The following SLC30A9 variants were observed in gnomAD, a reference collection of about 807,000 sequenced individuals.
The protein encoded by SLC30A9 is proton-coupled zinc antiporter SLC30A9, mitochondrial.
A neutral mutation model predicts 87.5 loss-of-function variants in SLC30A9; 58 were observed. That is an observed-to-expected ratio of 0.66 (90% CI 0.54 to 0.82). The LOEUF (loss-of-function observed/expected upper bound fraction) is 0.82. Ranked by LOEUF, SLC30A9 falls within the 40% of genes least tolerant of loss-of-function variation. The probability of loss-of-function intolerance (pLI) is 0.00; values close to 1 mark genes in which losing one functional copy is unlikely to be tolerated. For missense variants in SLC30A9, 557 were observed against 679.1 expected (o/e 0.82, Z 2.00); for synonymous variants, 234 against 233.0 (o/e 1.00, Z -0.04).
At chr4:42,039,696 C>T (rs1033883903) in intron 8 of SLC30A9, among the ~76,000 whole-genome samples, 24 of 151,958 alleles carry the variant, frequency 1.6e-4, no homozygotes, top group Non-Finnish European at 2.1e-4. Flanking sequence ...CTCCTGACCT[C>T]GTGATCTGCC....
chr4:42,067,996 T>C lies in SLC30A9; in HGVS notation c.1252+804T>C, dbSNP rs116575939. On this transcript the variant is annotated intron_variant, in intron 14 of 17. Transcript: ENST00000264451. The stretch of plus-strand genomic sequence containing the variant: ...GGTTGTTTATTTTTGAATTATGTGG[T>C]GATAGGTGTTCCTTACAATTTTCAC... Among the ~76,000 whole-genome samples the C allele has an allele frequency of 3.2e-3, 491 of 152,346 alleles. 1 individual carries two copies. The highest frequency in any genetic ancestry group is 0.011 in the African/African-American group (470 of 41,588).
In SLC30A9 at chr4:42,018,125, A is replaced by G. The variant is rs2581423; in HGVS notation, c.289A>G (p.Thr97Ala). The G allele has an allele frequency of 0.98, 1,517,044 of 1,554,576 alleles. 740,322 individuals are homozygous for G. Among genetic ancestry groups the G allele is most frequent in the East Asian group, 0.99 (43,910 of 44,238 alleles). Residue 97 changes from threonine to alanine, a missense_variant, in exon 3 of 18, where the codon ACA becomes GCA. Coordinates refer to ENST00000264451, the MANE Select transcript of SLC30A9 (RefSeq NM_006345.4). ...AAACTTTACAGCAGAAGGTATAGGC[A>G]CAGAACTCAAAGCTCCACTTAAGCA... is the stretch of plus-strand genomic sequence containing the variant. ...PSFETAEGIGTELKAPLKQEP... is the reference protein window; with the variant it reads ...PSFETAEGIGAELKAPLKQEP...
At chr4:42,033,747 T>G (rs1366800289) in intron 6 of SLC30A9, among the ~76,000 whole-genome samples, 1 of 152,188 alleles carries the variant, frequency 6.6e-6, no homozygotes, top group Admixed American at 6.5e-5. Context: ...GGCTAATTTT[T>G]TGTATTTTTA....
chr4:42,040,762 C>G (rs561310312), intron 8 of SLC30A9, among the ~76,000 whole-genome samples: 2 of 140,846 alleles, frequency 1.4e-5, no homozygotes, highest in African/African-American at 5.4e-5. Context: ...CGCCACTGCA[C>G]TCCAGTCTGG....
At chr4:42,004,500 A>G (rs1266717090) in intron 2 of SLC30A9, among the ~76,000 whole-genome samples, 2 of 151,790 alleles carry the variant, frequency 1.3e-5, no homozygotes, top group East Asian at 1.9e-4. Context: ...AAACCTCTCT[A>G]TCGTATTTTC....
intron 2 of SLC30A9, among the ~76,000 whole-genome samples, chr4:42,011,750 A>T (rs1231399732): frequency 6.6e-6 from 1 of 152,220 alleles, no homozygotes; most frequent in East Asian, 1.9e-4. Flanking sequence ...AAAAGGTTAA[A>T]TGAAGGACTC....
chr4:42,065,262 T>G (rs547051469), intron 11 of SLC30A9, 48 bp from the exon 12 acceptor site: 1 of 930,932 alleles, frequency 1.1e-6, no homozygotes, highest in East Asian at 2.4e-5. Context: ...TGAACAATTG[T>G]GATTGGAAGT....
rs200061915 is a variant in SLC30A9 at position 42,076,974 on chromosome 4, A to AAAAAAAAAG, written c.1548+1191_1548+1192insAAAAAGAAA. 2.5e-4 allele frequency among the ~76,000 whole-genome samples: 36 copies of AAAAAAAAAG among 141,236 alleles called. 3 individuals are homozygous for AAAAAAAAAG. The highest frequency in any genetic ancestry group is 3.2e-4 in the Non-Finnish European group (21 of 65,826). 92.7% of individuals were successfully genotyped at this position (141,236 alleles called of 152,430 possible). ...GAGACTCCGTCTCAAAAAAAAAAAA[A>AAAAAAAAAG]AAAGAAAGAAACAATGCCATGATTG... On this transcript the variant is annotated intron_variant, in intron 16 of 17. Coordinates refer to ENST00000264451, the MANE Select transcript of SLC30A9 (RefSeq NM_006345.4).
intron 16 of SLC30A9, among the ~76,000 whole-genome samples, chr4:42,077,148 A>G (rs926353942): frequency 1.3e-5 from 2 of 152,164 alleles, no homozygotes; most frequent in African/African-American, 4.8e-5. Flanking sequence ...AAGTGTGTCA[A>G]TTTAACTTCC....
chr4:42,079,405 T>C (rs1718674910), intron 17 of SLC30A9, among the ~76,000 whole-genome samples: 1 of 151,926 alleles, frequency 6.6e-6, no homozygotes, highest in African/African-American at 2.4e-5. Flanking sequence ...GCAGTTCTCC[T>C]GCCTCTGCCT....
chr4:42,016,604 G>A (rs1006920155), intron 2 of SLC30A9, among the ~76,000 whole-genome samples: 2 of 152,090 alleles, frequency 1.3e-5, no homozygotes, highest in Non-Finnish European at 1.5e-5. Flanking sequence ...ATTGATTGGT[G>A]TGTGTGTCTG....
intron 6 of SLC30A9, 104 bp from the exon 7 acceptor site, chr4:42,035,167 TTAGC>T: frequency 9.1e-7 from 1 of 1,100,622 alleles, no homozygotes; most frequent in Non-Finnish European, 1.3e-6. Context: ...ATTTTTGCTG[TTAGC>T]TAGTAGCGCA....
At chr4:42,001,815 A>T in intron 2 of SLC30A9, 35 bp downstream of exon 2, 1 of 1,482,508 alleles carries the variant, frequency 6.7e-7, no homozygotes, top group Non-Finnish European at 9.3e-7. Flanking sequence ...TTTTTTCTGT[A>T]TACTGGAATA....
chr4:42,020,080 C>T (rs1715884094), intron 3 of SLC30A9, among the ~76,000 whole-genome samples: 1 of 152,028 alleles, frequency 6.6e-6, no homozygotes. Context: ...AATTTTTTAT[C>T]AAAACTTCAG....
At chr4:42,057,789 A>G (rs1175111180) in intron 9 of SLC30A9, among the ~76,000 whole-genome samples, 1 of 152,150 alleles carries the variant, frequency 6.6e-6, no homozygotes, top group Non-Finnish European at 1.5e-5. Flanking sequence ...TGAAACTTTT[A>G]TGCTCTGTTT....
chr4:42,075,882 CT>C, intron 16 of SLC30A9, 96 bp downstream of exon 16: 1 of 1,192,570 alleles, frequency 8.4e-7, no homozygotes, highest in Non-Finnish European at 1.2e-6. Context: ...CTTAAAGGCA[CT>C]TTAGCTCTCA....
chr4:42,069,883 C>T (rs903641132), intron 14 of SLC30A9, among the ~76,000 whole-genome samples: 1 of 152,074 alleles, frequency 6.6e-6, no homozygotes, highest in South Asian at 2.1e-4. Flanking sequence ...TATTCAGGGG[C>T]CTGAAATGAG....
intron 2 of SLC30A9, among the ~76,000 whole-genome samples, chr4:42,003,066 A>G (rs1309114662): frequency 6.6e-6 from 1 of 152,146 alleles, no homozygotes. Flanking sequence ...GTAAATCTAA[A>G]TGTATTCTTA....
At chr4:42,037,013 A>C (rs1428873300) in intron 7 of SLC30A9, among the ~76,000 whole-genome samples, 1 of 152,144 alleles carries the variant, frequency 6.6e-6, no homozygotes, top group Non-Finnish European at 1.5e-5. Flanking sequence ...AATCTTTGTT[A>C]CTTCAGAAGA....
Sources: gnomAD v4.1 joint callset for allele counts (sites outside exome capture counted in the v4.1 genomes callset) on GRCh38, gnomAD v4.1.1 for gene constraint, MANE v1.5 for transcripts, NCBI Gene and HGNC (gene_info 2026-07-23, HGNC 2026-07-21) for gene names.